The following ENPP4 variants were observed in gnomAD, a reference collection of about 807,000 sequenced individuals.
ENPP4 encodes the protein ectonucleotide pyrophosphatase/phosphodiesterase 4, also known as bis(5'-adenosyl)-triphosphatase ENPP4.
ENPP4 carries 18 observed loss-of-function variants against 33.4 expected under a neutral mutation model. The observed-to-expected ratio is 0.54, with a 90% CI of 0.37 to 0.80. ENPP4 has a LOEUF of 0.80. ENPP4 is among the 30% of genes least tolerant of loss of function. ENPP4 has a pLI of 0.00. For missense variants in ENPP4, 480 were observed against 541.7 expected, an observed-to-expected ratio of 0.89 and a Z score of 1.13; for synonymous variants, 172 against 189.9, an observed-to-expected ratio of 0.91 and a Z score of 0.78.
intron 1 of ENPP4, among the ~76,000 whole-genome samples, chr6:46,131,616 A>G (rs1763901516): frequency 6.6e-6 from 1 of 152,188 alleles, no homozygotes; most frequent in Non-Finnish European, 1.5e-5. Context: ...TGCAATGAAC[A>G]TATGTGTGCA....
Position 46,140,108 on chromosome 6 carries a change from C to T in ENPP4, c.525C>T (p.Asn175=). Residue 175 remains asparagine, a synonymous_variant, in exon 2 of 4, where the codon AAC becomes AAT. Coordinates refer to ENST00000321037, the MANE Select transcript of ENPP4 (RefSeq NM_014936.5). The part of the protein sequence containing the change: ...NNITMWLNNS[N]PPVTFATLYW... Reference sequence around the variant, plus strand: ...TTACTATGTGGCTAAACAATTCGAACCCACCAGTCACCTTTGCAACACTAT... The same window carrying T: ...TTACTATGTGGCTAAACAATTCGAATCCACCAGTCACCTTTGCAACACTAT... The T allele has an allele frequency of 6.2e-7, 1 of 1,612,438 alleles. No homozygotes were observed. The highest frequency in any genetic ancestry group is 8.5e-7 in the Non-Finnish European group (1 of 1,179,032).
At position 46,141,033 on chromosome 6, in the gene ENPP4, G is replaced by T; in HGVS notation, c.827-19G>T. 1 of 1,527,954 alleles carries T rather than the reference G, an allele frequency of 6.5e-7. No homozygotes were observed. Among genetic ancestry groups the T allele is most frequent in the Non-Finnish European group, 8.8e-7 (1 of 1,133,792 alleles). The allele number at this position is 1,527,954 out of a possible 1,614,324, so 94.6% of individuals were successfully genotyped here. ...TCAATCATAACTTGTTTCCTTTGCT[G>T]TTTCTTTTTTTTTCTCAGATAGAAC... On this transcript the variant is annotated intron_variant, in intron 2 of 3. Transcript: ENST00000321037.
intron 1 of ENPP4, among the ~76,000 whole-genome samples, chr6:46,138,070 G>C (rs1434874255): frequency 6.6e-6 from 1 of 151,748 alleles, no homozygotes; most frequent in African/African-American, 2.4e-5. Flanking sequence ...ACCATGTTCA[G>C]GGTCTTCTTA....
intron 1 of ENPP4, among the ~76,000 whole-genome samples, chr6:46,138,618 A>C (rs1422018512): frequency 6.6e-6 from 1 of 151,586 alleles, no homozygotes; most frequent in Non-Finnish European, 1.5e-5. Context: ...CAGCTCCCCT[A>C]CCTTTGCTCC....
intron 1 of ENPP4, among the ~76,000 whole-genome samples, chr6:46,131,619 T>C (rs1290988169): frequency 3.3e-5 from 5 of 152,022 alleles, no homozygotes; most frequent in Non-Finnish European, 2.9e-5. Context: ...AATGAACATA[T>C]GTGTGCATGT....
At chr6:46,133,192 A>C (rs374384750) in intron 1 of ENPP4, among the ~76,000 whole-genome samples, 1 of 152,188 alleles carries the variant, frequency 6.6e-6, no homozygotes. Flanking sequence ...AGATAAGTGT[A>C]AGTGTTTTGA....
intron 1 of ENPP4, among the ~76,000 whole-genome samples, chr6:46,131,193 T>C (rs540215072): frequency 7.7e-4 from 117 of 152,252 alleles, no homozygotes; most frequent in Non-Finnish European, 1.2e-3. Context: ...AGTTTTAGGG[T>C]ACATGTGCAC....
intron 1 of ENPP4, among the ~76,000 whole-genome samples, chr6:46,134,184 A>G (rs890549224): frequency 5.9e-5 from 9 of 152,112 alleles, no homozygotes; most frequent in Admixed American, 5.9e-4. Context: ...ATAAAGGGAA[A>G]CTAATTTTGA....
intron 1 of ENPP4, among the ~76,000 whole-genome samples, chr6:46,132,382 G>C (rs1763913226): frequency 1.3e-5 from 2 of 152,208 alleles, no homozygotes; most frequent in Admixed American, 6.5e-5. Context: ...TGGCTAGCCA[G>C]TTTTCCCAGC....
At position 46,143,349 on chromosome 6, in the gene ENPP4, C is replaced by G. The variant is rs1764096632; in HGVS notation, c.1071C>G (p.His357Gln). The G allele has an allele frequency of 1.2e-6, 2 of 1,611,126 alleles. No individual in the cohort carries two copies. Among genetic ancestry groups the G allele is most frequent in the Admixed American group, 1.7e-5 (1 of 59,804 alleles). Residue 357 changes from histidine to glutamine, a missense_variant, in exon 4 of 4, where the codon CAC becomes CAG. By Grantham distance (24) the His-to-Gln change is conservative (BLOSUM62 0). This residue lies in a region of ENPP4 where 249 missense variants were observed against 251.8 expected (regional missense o/e 0.99). Coordinates refer to ENST00000321037, the MANE Select transcript of ENPP4 (RefSeq NM_014936.5). ...PFLAAHGPAF[H>Q]KGYKHSTINI... is the part of the protein sequence containing the mutation. ...TAGCTGCCCACGGACCTGCATTTCA[C>G]AAAGGCTACAAGCATAGCACAATTA...
At chr6:46,138,579 C>T (rs1308797908) in intron 1 of ENPP4, among the ~76,000 whole-genome samples, 3 of 151,826 alleles carry the variant, frequency 2.0e-5, no homozygotes, top group Non-Finnish European at 4.4e-5. Flanking sequence ...CCTCCGGCAA[C>T]TCTCTTCACC....
In ENPP4 at chr6:46,144,938, C is replaced by T. The variant is rs1406430089; in HGVS notation, c.*1298C>T. 2 of 396,354 alleles carry T rather than the reference C, an allele frequency of 5.0e-6. No individual in the cohort carries two copies. Among genetic ancestry groups the T allele is most frequent in the Admixed American group, 8.9e-5 (2 of 22,578 alleles). 24.6% of individuals were successfully genotyped at this position (396,354 alleles called of 1,614,324 possible). On this transcript the variant is annotated 3_prime_UTR_variant, in exon 4 of 4. Coordinates refer to ENST00000321037, the MANE Select transcript of ENPP4 (RefSeq NM_014936.5). ...AGAGCCAAGGGTTTATTGTGAAGAA[C>T]TGTCATCCTGCCTTTGCTAGCTGGT...
chr6:46,137,675 C>T (rs1763996063), intron 1 of ENPP4, among the ~76,000 whole-genome samples: 1 of 151,858 alleles, frequency 6.6e-6, no homozygotes, highest in South Asian at 2.1e-4. Flanking sequence ...AGGTTTGTTA[C>T]TCTGTCTTTT....
At position 46,140,010 on chromosome 6, in the gene ENPP4, A is replaced by G; in HGVS notation, c.427A>G (p.Ile143Val). ...AAMWPGTDVP[I>V]HDTISSYFMN... Reference sequence around the variant, plus strand: ...TATGTGGCCTGGTACTGATGTACCCATTCACGATACCATCTCTTCCTATTT... The same window carrying G: ...TATGTGGCCTGGTACTGATGTACCCGTTCACGATACCATCTCTTCCTATTT... Residue 143 changes from isoleucine to valine, a missense_variant, in exon 2 of 4, where the codon ATT becomes GTT. Ile to Val is a conservative substitution (Grantham distance 29). Around this residue, in one of 3 missense-constraint regions of ENPP4, gnomAD observed 227 missense variants for 273.7 expected, o/e 0.83. Coordinates refer to ENST00000321037, the MANE Select transcript of ENPP4 (RefSeq NM_014936.5). 6.2e-7 allele frequency: 1 copy of G among 1,612,764 alleles called. No individual in the cohort carries two copies. Among genetic ancestry groups the G allele is most frequent in the Non-Finnish European group, 8.5e-7 (1 of 1,179,070 alleles).
intron 2 of ENPP4, among the ~76,000 whole-genome samples, 171 bp downstream of exon 2, chr6:46,140,580 A>G (rs1336588806): frequency 2.7e-5 from 4 of 150,530 alleles, no homozygotes; most frequent in Non-Finnish European, 4.4e-5. Context: ...CAGTTGGCCT[A>G]TGGTTTAGTT....
At position 46,143,761 on chromosome 6, in the gene ENPP4, TG is replaced by T; in HGVS notation, c.*122del. 1 of 1,017,976 alleles carries T rather than the reference TG, an allele frequency of 9.8e-7. No homozygotes were observed. The highest frequency in any genetic ancestry group is 1.4e-6 in the Non-Finnish European group (1 of 698,702). The allele number at this position is 1,017,976 out of a possible 1,614,324, so 63.1% of individuals were successfully genotyped here. On this transcript the variant is annotated 3_prime_UTR_variant, in exon 4 of 4. Transcript: ENST00000321037. ...AAAGACAAAGAACTTAGACTAAGCA[TG>T]TTAAAATTATTACTTTGTTTTCCTT...
At position 46,146,487 on chromosome 6, in the gene ENPP4, T is replaced by C. The variant is rs1179859383; in HGVS notation, c.*2847T>C. On this transcript the variant is annotated 3_prime_UTR_variant, in exon 4 of 4. Transcript: ENST00000321037. The stretch of plus-strand genomic sequence containing the variant: ...GGACAAGGAGGAGATGGAAAATGTG[T>C]ATTTATTGTTAATTCTTAAAATAGT... 1 of 152,370 alleles carries C rather than the reference T, an allele frequency of 6.6e-6. No homozygotes were observed. The highest frequency in any genetic ancestry group is 2.4e-5 in the African/African-American group (1 of 41,420). 9.4% of individuals were successfully genotyped at this position (152,370 alleles called of 1,614,324 possible). A position where few individuals can be genotyped will look rare whatever the true frequency, so the allele number is the denominator to read the frequency against.
intron 1 of ENPP4, among the ~76,000 whole-genome samples, chr6:46,130,612 A>C (rs894761644): frequency 2.1e-4 from 32 of 152,246 alleles, no homozygotes; most frequent in African/African-American, 7.7e-4. Flanking sequence ...ATTAGAGTTT[A>C]TGTTAATTAT....
chr6:46,138,952 G>T (rs941811548), intron 1 of ENPP4, among the ~76,000 whole-genome samples: 3 of 151,816 alleles, frequency 2.0e-5, no homozygotes, highest in African/African-American at 7.3e-5. Context: ...TGTAGGCTTT[G>T]CATGTTTGTT....
Sources: gnomAD v4.1 joint callset for allele counts (sites outside exome capture counted in the v4.1 genomes callset) on GRCh38, gnomAD v4.1.1 for gene constraint, gnomAD v4.1.1 regional missense constraint, MANE v1.5 for transcripts, NCBI Gene and HGNC (gene_info 2026-07-23, HGNC 2026-07-21) for gene names.